The following TAFA2 variants were observed in gnomAD, a reference collection of about 807,000 sequenced individuals.
TAFA2 encodes TAFA chemokine like family member 2, also known as chemokine-like protein TAFA-2.
TAFA2 carries 7 observed loss-of-function variants against 18.8 expected under a neutral mutation model. That is an observed-to-expected ratio of 0.37 (90% CI 0.21 to 0.70). The LOEUF is 0.70. Among genes scored for constraint, TAFA2 ranks in the 30% least tolerant of loss-of-function variants. The probability of loss-of-function intolerance (pLI) is 0.53; values close to 1 mark genes in which losing one functional copy is unlikely to be tolerated. For synonymous variants in TAFA2, 60 were observed against 54.2 expected (o/e 1.11, Z -0.47); for missense variants, 122 against 158.1 (o/e 0.77, Z 1.23).
intron 1 of TAFA2, among the ~76,000 whole-genome samples, chr12:62,032,263 C>T (rs558869234): frequency 6.6e-6 from 1 of 152,220 alleles, no homozygotes; most frequent in East Asian, 1.9e-4. Flanking sequence ...AGAAAGGGTA[C>T]AGGAAAGGAC....
At chr12:62,048,834 C>T (rs1490236279) in intron 1 of TAFA2, among the ~76,000 whole-genome samples, 1 of 152,082 alleles carries the variant, frequency 6.6e-6, no homozygotes, top group Non-Finnish European at 1.5e-5. Context: ...ACAGCACGAC[C>T]AGCAGTGTGT....
chr12:61,825,370 T>C (rs1872500915), intron 2 of TAFA2, among the ~76,000 whole-genome samples: 1 of 152,096 alleles, frequency 6.6e-6, no homozygotes, highest in Admixed American at 6.6e-5. Context: ...GGAATAGAAT[T>C]ATCATTAACA....
At chr12:61,925,681 C>T (rs547215934) in intron 1 of TAFA2, among the ~76,000 whole-genome samples, 28 of 152,238 alleles carry the variant, frequency 1.8e-4, no homozygotes, top group African/African-American at 5.1e-4. Context: ...ACACCAGAAT[C>T]TCTGTGACAC....
chr12:61,749,145 T>C (rs1868884401), intron 4 of TAFA2, among the ~76,000 whole-genome samples: 1 of 150,926 alleles, frequency 6.6e-6, no homozygotes, highest in Non-Finnish European at 1.5e-5. Context: ...TGGTGGGGCA[T>C]GCCAGTAATC....
intron 1 of TAFA2, among the ~76,000 whole-genome samples, chr12:62,147,729 C>CAAA (rs10552283): frequency 1.3e-4 from 10 of 76,376 alleles, no homozygotes; most frequent in East Asian, 3.3e-4. Flanking sequence ...GACTCTGTCT[C>CAAA]AAAAAAAAAA....
intron 2 of TAFA2, among the ~76,000 whole-genome samples, chr12:61,823,651 C>T (rs1592413248): frequency 6.6e-6 from 1 of 152,242 alleles, no homozygotes; most frequent in South Asian, 2.1e-4. Flanking sequence ...TTAGTATGAA[C>T]TCTGCCATAG....
At chr12:61,968,734 G>A (rs1004533744) in intron 1 of TAFA2, among the ~76,000 whole-genome samples, 28 of 151,842 alleles carry the variant, frequency 1.8e-4, no homozygotes, top group African/African-American at 6.8e-4. Context: ...GAGTTGATAT[G>A]AGGATTATTA....
At chr12:61,879,825 T>C (rs1333600070) in intron 1 of TAFA2, 2 of 1,404,578 alleles carry the variant, frequency 1.4e-6, no homozygotes, top group African/African-American at 2.8e-5. Flanking sequence ...CTTGGCAACA[T>C]GCAGGAGCTG....
chr12:61,968,628 G>A (rs1879145464), intron 1 of TAFA2, among the ~76,000 whole-genome samples: 1 of 151,598 alleles, frequency 6.6e-6, no homozygotes, highest in Non-Finnish European at 1.5e-5. Context: ...AATAACAATA[G>A]CTTCCATTTT....
At chr12:61,956,310 A>T (rs1878693264) in intron 1 of TAFA2, among the ~76,000 whole-genome samples, 1 of 152,064 alleles carries the variant, frequency 6.6e-6, no homozygotes, top group African/African-American at 2.4e-5. Context: ...TTGTTGGTGG[A>T]TAAAGAATTT....
intron 1 of TAFA2, among the ~76,000 whole-genome samples, chr12:62,000,177 T>TTTTGTGG (rs1363070370): frequency 2.8e-4 from 41 of 149,048 alleles, no homozygotes; most frequent in East Asian, 6.5e-4. Flanking sequence ...AATGTGGCTG[T>TTTTGTGG]TATTAGTTTA....
At chr12:61,845,645 G>C (rs943284201) in intron 2 of TAFA2, among the ~76,000 whole-genome samples, 2 of 152,118 alleles carry the variant, frequency 1.3e-5, no homozygotes, top group African/African-American at 4.8e-5. Context: ...AGGTAAGCAT[G>C]GTAGTTTAGT....
chr12:61,766,513 G>A (rs965670259), intron 2 of TAFA2, among the ~76,000 whole-genome samples: 3 of 152,020 alleles, frequency 2.0e-5, no homozygotes, highest in Non-Finnish European at 2.9e-5. Context: ...AGCCCGTTAG[G>A]TAGACTGAAC....
chr12:62,033,319 C>A (rs1345834703), intron 1 of TAFA2, among the ~76,000 whole-genome samples: 1 of 152,116 alleles, frequency 6.6e-6, no homozygotes, highest in South Asian at 2.1e-4. Context: ...ATTCCCAAAA[C>A]CCTAATATTA....
intron 1 of TAFA2, among the ~76,000 whole-genome samples, chr12:61,869,440 T>C (rs1223102256): frequency 6.6e-6 from 1 of 152,170 alleles, no homozygotes; most frequent in Admixed American, 6.5e-5. Context: ...CATTACTCAG[T>C]CAGACTAGCA....
intron 1 of TAFA2, among the ~76,000 whole-genome samples, chr12:62,025,533 T>C (rs1263068657): frequency 6.6e-6 from 1 of 152,182 alleles, no homozygotes; most frequent in Non-Finnish European, 1.5e-5. Flanking sequence ...ATAGATTTTT[T>C]AAATATTATG....
chr12:62,108,150 C>G (rs909246565), intron 1 of TAFA2, among the ~76,000 whole-genome samples: 6 of 152,094 alleles, frequency 3.9e-5, no homozygotes, highest in Non-Finnish European at 5.9e-5. Flanking sequence ...CCCCCACCCC[C>G]CAACAGGCCC....
intron 1 of TAFA2, among the ~76,000 whole-genome samples, chr12:62,118,894 T>C (rs544910682): frequency 9.7e-4 from 148 of 152,278 alleles, no homozygotes; most frequent in Non-Finnish European, 1.7e-3. Flanking sequence ...TGACAGTACT[T>C]CTCACTTTAA....
Position 62,214,101 on chromosome 12 carries a change from G to A in TAFA2, c.-130+44662C>T, listed in dbSNP as rs373543654. Among the ~76,000 whole-genome samples the A allele has an allele frequency of 3.3e-5, 5 of 152,282 alleles. No homozygotes were observed. The East Asian group carries it at 9.6e-4, about 29-fold the overall frequency. On this transcript the variant is annotated intron_variant, in intron 1 of 5. Coordinates refer to the TAFA2 transcript ENST00000551619. ...CCATTAAGATGCACCAGGTTAAGAA[G>A]GGTTGATTTAGCCCCTTGTTTATTT...
Sources: gnomAD v4.1 joint callset for allele counts (sites outside exome capture counted in the v4.1 genomes callset) on GRCh38, gnomAD v4.1.1 for gene constraint, MANE v1.5 for transcripts, NCBI Gene and HGNC (gene_info 2026-07-23, HGNC 2026-07-21) for gene names.